The following DMD variants were observed in gnomAD, a reference collection of about 807,000 sequenced individuals.
The protein encoded by DMD is mutant dystrophin.
In DMD, 63 loss-of-function variants were observed where a neutral mutation model predicts 330.1. The ratio of observed to expected loss-of-function variants is 0.19; its 90% CI spans 0.16 to 0.24. The LOEUF is 0.24. Among genes scored for constraint, DMD ranks in the 10% least tolerant of loss-of-function variants. DMD has a pLI of 1.00. For missense variants in DMD, 3,344 were observed against 2,684.1 expected (o/e 1.25, Z -5.43); for synonymous variants, 1,223 against 959.8 (o/e 1.27, Z -5.07).
chrX:32,301,109 A>T (rs2097521946), intron 42 of DMD, among the ~76,000 whole-genome samples: 1 of 109,168 alleles, frequency 9.2e-6, no homozygotes, highest in African/African-American at 3.3e-5. Context: ...TTTATATATA[A>T]CTAATACTTC....
chrX:31,451,931 C>G (rs1169221119), intron 59 of DMD, among the ~76,000 whole-genome samples: 1 of 110,196 alleles, frequency 9.1e-6, no homozygotes, highest in Non-Finnish European at 1.9e-5. Context: ...TTTTCGTTGT[C>G]TCCTTCCGTT....
chrX:32,676,068 G>C (rs1039251339), intron 9 of DMD, among the ~76,000 whole-genome samples: 5 of 111,547 alleles, frequency 4.5e-5, no homozygotes, highest in African/African-American at 1.6e-4. Flanking sequence ...ACTCATTCAA[G>C]ATATATAAGG....
intron 12 of DMD, among the ~76,000 whole-genome samples, chrX:32,597,634 C>T (rs1602015828): frequency 1.8e-5 from 2 of 111,758 alleles, no homozygotes; most frequent in East Asian, 5.6e-4. Flanking sequence ...AAAATCATTT[C>T]CCCCTATTAA....
At position 31,146,302 on chromosome X, in the gene DMD, G is replaced by A. The variant is rs200166885; in HGVS notation, c.10910C>T (p.Ser3637Leu). Residue 3637 changes from serine (S) to leucine (L), a missense_variant, in exon 76 of 79, where the codon TCG (serine) becomes TTG (leucine). Physicochemically the swap from Ser to Leu is moderately radical, Grantham distance 145. Transcript: ENST00000357033. Reference sequence around the variant, plus strand: ...GCTAGGACACTTACCCATGGAGTCCGAAGTTTGACTGCCAACCACTCGGAG... The same window carrying A: ...GCTAGGACACTTACCCATGGAGTCCAAAGTTTGACTGCCAACCACTCGGAG... ...MLLRVVGSQT[S>L]DSMGEEDLLS... The A allele has an allele frequency of 3.3e-6, 4 of 1,211,083 alleles. No individual in the cohort carries two copies. The highest frequency in any genetic ancestry group is 1.8e-5 in the South Asian group (1 of 56,957).
intron 61 of DMD, among the ~76,000 whole-genome samples, chrX:31,331,649 T>C (rs1162167247): frequency 1.8e-5 from 2 of 111,920 alleles, no homozygotes; most frequent in Admixed American, 9.5e-5. Flanking sequence ...ACCAGGGAAC[T>C]TTCCTCCAGG....
At chrX:31,888,809 A>G (rs950707469) in intron 47 of DMD, among the ~76,000 whole-genome samples, 1 of 112,513 alleles carries the variant, frequency 8.9e-6, no homozygotes, top group Non-Finnish European at 1.9e-5. Context: ...CTATAAATCC[A>G]TATACAATGT....
chrX:31,916,444 T>G (rs79954285), intron 47 of DMD, among the ~76,000 whole-genome samples: 10,403 of 111,726 alleles, frequency 0.093, 1,110 homozygotes, highest in African/African-American at 0.31. Context: ...AATCCTAAAA[T>G]TACTGATTTT....
intron 43 of DMD, among the ~76,000 whole-genome samples, chrX:32,238,535 T>C (rs2097196652): frequency 9.0e-6 from 1 of 111,284 alleles, no homozygotes; most frequent in African/African-American, 3.3e-5. Context: ...CCACAGTCTT[T>C]CTACAACCTA....
intron 47 of DMD, among the ~76,000 whole-genome samples, chrX:31,906,127 T>C (rs2030942675): frequency 9.0e-6 from 1 of 110,971 alleles, no homozygotes; most frequent in African/African-American, 3.3e-5. Context: ...TCTCACGAGG[T>C]CTGATGGTTT....
At chrX:31,436,971 G>A (rs2064576032) in intron 60 of DMD, among the ~76,000 whole-genome samples, 1 of 111,221 alleles carries the variant, frequency 9.0e-6, no homozygotes, top group Non-Finnish European at 1.9e-5. Flanking sequence ...TCTGGCCAGT[G>A]GGCACATCAG....
intron 54 of DMD, among the ~76,000 whole-genome samples, chrX:31,635,498 T>C (rs2079362312): frequency 8.9e-6 from 1 of 111,788 alleles, no homozygotes; most frequent in Non-Finnish European, 1.9e-5. Context: ...TAGTTGTTGA[T>C]ACATAATATT....
intron 62 of DMD, among the ~76,000 whole-genome samples, chrX:31,281,726 T>C (rs948247577): frequency 2.0e-4 from 22 of 111,603 alleles, no homozygotes; most frequent in African/African-American, 5.5e-4. Context: ...TGAGATCCCA[T>C]GGCAGCACTT....
chrX:31,388,664 G>A (rs940925717), intron 60 of DMD, among the ~76,000 whole-genome samples: 4 of 111,998 alleles, frequency 3.6e-5, no homozygotes, highest in Non-Finnish European at 5.6e-5. Context: ...CACTTTAGGA[G>A]GCCAAGGTGG....
intron 2 of DMD, among the ~76,000 whole-genome samples, chrX:32,923,433 C>T (rs2088640517): frequency 9.1e-6 from 1 of 109,507 alleles, no homozygotes; most frequent in Non-Finnish European, 1.9e-5. Context: ...TGGTGGCACA[C>T]CCCTGTAATC....
At chrX:32,841,113 G>C (rs1031474049) in intron 4 of DMD, among the ~76,000 whole-genome samples, 2 of 111,390 alleles carry the variant, frequency 1.8e-5, no homozygotes, top group African/African-American at 3.3e-5. Context: ...TCTCATTACA[G>C]CTCTAATTTA....
intron 51 of DMD, among the ~76,000 whole-genome samples, chrX:31,756,121 G>A (rs1338981495): frequency 1.8e-5 from 2 of 110,818 alleles, no homozygotes; most frequent in South Asian, 3.8e-4. Flanking sequence ...GTTCAGATAC[G>A]AGACTGCGGT....
intron 13 of DMD, among the ~76,000 whole-genome samples, chrX:32,575,086 C>T (rs767170442): frequency 9.3e-4 from 102 of 110,265 alleles, no homozygotes; most frequent in African/African-American, 3.3e-3. Context: ...TTAGTAGACA[C>T]GGGGTTTCGC....
intron 55 of DMD, among the ~76,000 whole-genome samples, chrX:31,510,476 T>C (rs1348926259): frequency 9.2e-6 from 1 of 108,865 alleles, no homozygotes; most frequent in Non-Finnish European, 1.9e-5. Flanking sequence ...GATTGATTTG[T>C]TCTGAATGAA....
At chrX:32,878,613 T>C (rs777501772) in intron 2 of DMD, among the ~76,000 whole-genome samples, 1 of 111,618 alleles carries the variant, frequency 9.0e-6, no homozygotes, top group Non-Finnish European at 1.9e-5. Context: ...TTGTGAATTA[T>C]ACTGCCAATG....
Sources: allele counts gnomAD v4.1 joint callset (sites outside exome capture counted in the v4.1 genomes callset), GRCh38; gene constraint gnomAD v4.1.1; transcripts MANE v1.5; gene names NCBI Gene and HGNC (gene_info 2026-07-23, HGNC 2026-07-21).